Variants in FARS2 observed in about 807,000 individuals in gnomAD.
FARS2 encodes the protein phenylalanyl-tRNA synthetase 2, mitochondrial.
A neutral mutation model predicts 46.4 loss-of-function variants in FARS2; 40 were observed. That is an observed-to-expected ratio of 0.86 (90% CI 0.67 to 1.12). The LOEUF is 1.12. Among genes scored for constraint, FARS2 ranks in the 50% most tolerant of loss-of-function variants. The probability of loss-of-function intolerance (pLI) is 0.00; values close to 1 mark genes in which losing one functional copy is unlikely to be tolerated. For missense variants in FARS2, 513 were observed against 567.9 expected, an observed-to-expected ratio of 0.90 and a Z score of 0.98; for synonymous variants, 234 against 214.9, an observed-to-expected ratio of 1.09 and a Z score of -0.78.
At chr6:5,473,540 A>AC (rs1765927405) in intron 4 of FARS2, among the ~76,000 whole-genome samples, 3 of 54,422 alleles carry the variant, frequency 5.5e-5, no homozygotes, top group East Asian at 1.2e-3. Flanking sequence ...AAACAAAAAA[A>AC]AAAACAAAAA....
intron 5 of FARS2, among the ~76,000 whole-genome samples, chr6:5,585,030 A>T (rs189227313): frequency 2.6e-4 from 40 of 152,278 alleles, no homozygotes; most frequent in African/African-American, 9.4e-4. Context: ...TCTTTTTCAT[A>T]TCAAAACATG....
intron 1 of FARS2, among the ~76,000 whole-genome samples, chr6:5,279,278 G>A (rs1385140286): frequency 6.6e-6 from 1 of 151,112 alleles, no homozygotes; most frequent in African/African-American, 2.4e-5. Flanking sequence ...TCGGGAGGCT[G>A]AGGCAGGAGA....
chr6:5,771,488 A>G lies in FARS2; in HGVS notation c.*59A>G. ...GGGCTCCAGGATTTGCTGAAAGAGA[A>G]AAAGATATGGTTTGTGAACTGGGGC... On this transcript the variant is annotated 3_prime_UTR_variant, in exon 7 of 7. Transcript: ENST00000274680. The G allele has an allele frequency of 1.3e-6, 2 of 1,553,862 alleles. No homozygotes were observed. The highest frequency in any genetic ancestry group is 1.7e-6 in the Non-Finnish European group (2 of 1,149,932).
At chr6:5,437,090 A>G (rs1175395368) in intron 4 of FARS2, among the ~76,000 whole-genome samples, 1 of 152,072 alleles carries the variant, frequency 6.6e-6, no homozygotes, top group African/African-American at 2.4e-5. Context: ...TCAGGCAACC[A>G]CTGATCTACC....
intron 6 of FARS2, among the ~76,000 whole-genome samples, chr6:5,741,661 G>A (rs982746906): frequency 2.6e-5 from 4 of 152,102 alleles, no homozygotes; most frequent in African/African-American, 9.7e-5. Flanking sequence ...CCTGTTGTTT[G>A]TTTTTTTCTG....
chr6:5,359,229 G>A (rs367560350), intron 1 of FARS2, among the ~76,000 whole-genome samples: 2 of 151,582 alleles, frequency 1.3e-5, no homozygotes, highest in African/African-American at 4.8e-5. Context: ...TAGTACCGGC[G>A]GGGTTTCGCC....
intron 6 of FARS2, among the ~76,000 whole-genome samples, chr6:5,669,122 C>T (rs1778312339): frequency 6.6e-6 from 1 of 152,204 alleles, no homozygotes; most frequent in Non-Finnish European, 1.5e-5. Flanking sequence ...AGTGCAGTCC[C>T]TGAAAAAACA....
intron 1 of FARS2, among the ~76,000 whole-genome samples, chr6:5,338,494 G>A (rs545492547): frequency 1.5e-4 from 23 of 152,254 alleles, no homozygotes; most frequent in Admixed American, 6.5e-5. Context: ...CATATGGAAC[G>A]TGGCCTTGTC....
At chr6:5,587,795 A>C (rs961120994) in intron 5 of FARS2, among the ~76,000 whole-genome samples, 3 of 152,188 alleles carry the variant, frequency 2.0e-5, no homozygotes, top group Non-Finnish European at 4.4e-5. Context: ...GCCCTTGTTC[A>C]GATCTCCATT....
At chr6:5,720,051 T>A (rs533743423) in intron 6 of FARS2, among the ~76,000 whole-genome samples, 1 of 152,184 alleles carries the variant, frequency 6.6e-6, no homozygotes, top group East Asian at 1.9e-4. Context: ...TGGTAGTTAG[T>A]CTCCTGTTTA....
intron 4 of FARS2, among the ~76,000 whole-genome samples, chr6:5,533,748 T>C (rs1770006969): frequency 6.6e-6 from 1 of 152,128 alleles, no homozygotes. Flanking sequence ...GAGACCTCAC[T>C]GAGAAGGGGA....
intron 5 of FARS2, among the ~76,000 whole-genome samples, chr6:5,587,283 A>G (rs920818717): frequency 8.5e-5 from 13 of 152,226 alleles, no homozygotes; most frequent in African/African-American, 2.7e-4. Context: ...TTATCTTGCT[A>G]TGTTTGAAGT....
intron 6 of FARS2, among the ~76,000 whole-genome samples, chr6:5,624,835 C>A (rs990738046): frequency 6.6e-6 from 1 of 152,068 alleles, no homozygotes; most frequent in African/African-American, 2.4e-5. Context: ...CCGCCCCCGC[C>A]CCCTCATTTT....
At chr6:5,393,737 A>G (rs1760726443) in intron 2 of FARS2, among the ~76,000 whole-genome samples, 4 of 152,210 alleles carry the variant, frequency 2.6e-5, no homozygotes, top group Admixed American at 2.6e-4. Flanking sequence ...ATTATCACGC[A>G]AACGTGTTGT....
Position 5,555,328 on chromosome 6 carries a change from AT to A in FARS2, c.1065+9989del, listed in dbSNP as rs1281124015. Among the ~76,000 whole-genome samples, 27 of 152,148 alleles carry A rather than the reference AT, an allele frequency of 1.8e-4. 1 individual carries two copies. Among genetic ancestry groups the A allele is most frequent in the Admixed American group, 2.0e-4 (3 of 15,276 alleles). On this transcript the variant is annotated intron_variant, in intron 5 of 6. Transcript: ENST00000274680. ...TCATCAGCAGCATGAAAACGGACTA[AT>A]ACAGTGTGTAACACTGGTGCAACTA...
intron 4 of FARS2, among the ~76,000 whole-genome samples, chr6:5,542,777 A>G (rs1434674117): frequency 6.6e-6 from 1 of 152,218 alleles, no homozygotes; most frequent in East Asian, 1.9e-4. Context: ...AATGTGTCAT[A>G]TCTTAATTTT....
chr6:5,260,496 C>A, upstream of FARS2: 1 of 1,042,098 alleles, frequency 9.6e-7, no homozygotes, highest in East Asian at 2.6e-5. Context: ...TAGGCAGGAG[C>A]ACGCTTTTCG....
In FARS2 at chr6:5,727,357, C is replaced by T. The variant is rs1760333497; in HGVS notation, c.1218-43934C>T. Among the ~76,000 whole-genome samples the T allele has an allele frequency of 6.6e-6, 1 of 152,236 alleles. No individual in the cohort carries two copies. The highest frequency in any genetic ancestry group is 1.5e-5 in the Non-Finnish European group (1 of 68,044). On this transcript the variant is annotated intron_variant, in intron 6 of 6. Transcript: ENST00000274680. This position sits in a 1 kb window ranked among gnomAD's most constrained non-coding sequence, Gnocchi z 4.1. ...CTGCGTTTGTGCCTGTCTCACAGCG[C>T]CTGCTACTTTCTCTGAGGCAGTGGT... is the stretch of plus-strand genomic sequence containing the variant.
intron 4 of FARS2, among the ~76,000 whole-genome samples, chr6:5,522,012 C>T (rs1769171635): frequency 1.3e-5 from 2 of 152,266 alleles, no homozygotes; most frequent in South Asian, 4.1e-4. Flanking sequence ...TTGGTGACTC[C>T]AGATTCCTCT....
Sources: allele counts gnomAD v4.1 joint callset (sites outside exome capture counted in the v4.1 genomes callset), GRCh38; gene constraint gnomAD v4.1.1; non-coding constraint Gnocchi (gnomAD v3.1); transcripts MANE v1.5; gene names NCBI Gene and HGNC (gene_info 2026-07-23, HGNC 2026-07-21).